Variants in ZFR2 observed in about 807,000 individuals in gnomAD.
ZFR2 encodes the protein zinc finger RNA-binding protein 2.
ZFR2 carries 104 observed loss-of-function variants against 105.7 expected under a neutral mutation model. That is an observed-to-expected ratio of 0.98 (90% CI 0.84 to 1.16). The LOEUF (loss-of-function observed/expected upper bound fraction) is 1.16, where lower values mean the gene tolerates loss of function less well. Among genes scored for constraint, ZFR2 ranks in the 50% most tolerant of loss-of-function variants. The pLI is 0.00. For synonymous variants in ZFR2, 634 were observed against 597.7 expected (o/e 1.06, Z -0.89); for missense variants, 1,425 against 1,355.5 (o/e 1.05, Z -0.80).
At chr19:3,851,484 A>G (rs2038237415) in intron 1 of ZFR2, among the ~76,000 whole-genome samples, 1 of 152,226 alleles carries the variant, frequency 6.6e-6, no homozygotes, top group Non-Finnish European at 1.5e-5. Flanking sequence ...GTGCATGCAC[A>G]CACTGCTGTT....
In ZFR2 at chr19:3,851,914, A is replaced by G. The variant is rs3346; in HGVS notation, c.54-16931T>C. The G allele has an allele frequency of 7.6e-4, 135 of 177,342 alleles. 2 individuals are homozygous for G. In the East Asian group the frequency reaches 0.017, roughly 22 times the overall value. 11.0% of individuals were successfully genotyped at this position (177,342 alleles called of 1,614,324 possible). A position where few individuals can be genotyped will look rare whatever the true frequency, so the allele number is the denominator to read the frequency against. ...CAATAGCAGGGTTCACTAATGTGAC[A>G]GACATGGTGTGGCTCACAAAGCCAA... is the stretch of plus-strand genomic sequence containing the variant. On this transcript the variant is annotated intron_variant, in intron 1 of 18. Transcript: ENST00000262961.
At chr19:3,835,122 G>A (rs916846498) in intron 1 of ZFR2, 139 bp from the exon 2 acceptor site, 32 of 928,992 alleles carry the variant, frequency 3.4e-5, no homozygotes, top group South Asian at 7.2e-5. Flanking sequence ...GCCCAGGCAC[G>A]GCCGGAAGCA....
intron 14 of ZFR2, among the ~76,000 whole-genome samples, chr19:3,812,263 A>G (rs2037773915): frequency 1.3e-5 from 2 of 151,666 alleles, no homozygotes; most frequent in African/African-American, 4.8e-5. Flanking sequence ...TGTTTTTTTT[A>G]TAAATGGGGT....
chr19:3,852,183 C>G, intron 1 of ZFR2: 1 of 460,674 alleles, frequency 2.2e-6, no homozygotes, highest in South Asian at 2.1e-5. Context: ...GGTGGCTCTC[C>G]TGGCCAAGGC....
chr19:3,835,013 A>C (rs747258176), intron 1 of ZFR2, 30 bp from the exon 2 acceptor site: 1 of 1,590,098 alleles, frequency 6.3e-7, no homozygotes, highest in Admixed American at 1.8e-5. Flanking sequence ...CCAAAGCCCC[A>C]CCAGGTTAGA....
At chr19:3,827,677 C>T (rs1200083449) in intron 5 of ZFR2, 24 bp from the exon 6 acceptor site, 1 of 1,564,570 alleles carries the variant, frequency 6.4e-7, no homozygotes. Context: ...TGAGAGGCAG[C>T]CTGGGCGGGG....
In ZFR2 at chr19:3,868,888, G is replaced by T. The variant is rs2038466522; in HGVS notation, c.53+77C>A. 6 of 1,146,564 alleles carry T rather than the reference G, an allele frequency of 5.2e-6. No individual in the cohort carries two copies. In the South Asian group the frequency reaches 2.0e-4, roughly 39 times the overall value. The allele number at this position is 1,146,564 out of a possible 1,614,324, so 71.0% of individuals were successfully genotyped here. On this transcript the variant is annotated intron_variant, in intron 1 of 18. Coordinates refer to ENST00000262961, the MANE Select transcript of ZFR2 (RefSeq NM_015174.2). Reference sequence around the variant, plus strand: ...TGGGGCCGGGCCGGGCGCACGCGGCGGGAGAAGGGGTAGGCGGGGTCCCGG... The same window carrying T: ...TGGGGCCGGGCCGGGCGCACGCGGCTGGAGAAGGGGTAGGCGGGGTCCCGG...
chr19:3,816,338 G>C (rs1424500237), intron 13 of ZFR2, among the ~76,000 whole-genome samples: 1 of 148,378 alleles, frequency 6.7e-6, no homozygotes. Flanking sequence ...CTCTGCCTCC[G>C]GGATTTAAGT....
At chr19:3,852,419 T>C in intron 1 of ZFR2, 1 of 713,604 alleles carries the variant, frequency 1.4e-6, no homozygotes, top group Non-Finnish European at 2.6e-6. Context: ...CTCTTCTCCT[T>C]ATATCTCCTC....
At chr19:3,865,001 G>A (rs931916843) in intron 1 of ZFR2, among the ~76,000 whole-genome samples, 3 of 151,874 alleles carry the variant, frequency 2.0e-5, no homozygotes, top group East Asian at 3.9e-4. Context: ...TACCCGCCTC[G>A]GCCTCCCAAA....
chr19:3,838,893 C>T lies in ZFR2; in HGVS notation c.54-3910G>A. Among the ~76,000 whole-genome samples the T allele has an allele frequency of 6.6e-6, 1 of 152,160 alleles. No homozygotes were observed. The highest frequency in any genetic ancestry group is 2.4e-5 in the African/African-American group (1 of 41,432). ...CAGCTGCCCAGCTGTCTCCCGGGGCCGCGGCACGTGGCATGCAGCAGGGGC... is the reference window on the plus strand; with the variant it reads ...CAGCTGCCCAGCTGTCTCCCGGGGCTGCGGCACGTGGCATGCAGCAGGGGC... On this transcript the variant is annotated intron_variant, in intron 1 of 18. Transcript: ENST00000262961. This position sits in a 1 kb window ranked among gnomAD's most constrained non-coding sequence, Gnocchi z 4.9.
At chr19:3,820,372 A>G (rs2145146119) in intron 10 of ZFR2, 82 bp from the exon 11 acceptor site, 1 of 1,322,010 alleles carries the variant, frequency 7.6e-7, no homozygotes, top group South Asian at 1.3e-5. Flanking sequence ...CTGGGGCCTT[A>G]TGCTCCCAGC....
chr19:3,859,992 A>G (rs2038353461), intron 1 of ZFR2, among the ~76,000 whole-genome samples: 1 of 152,120 alleles, frequency 6.6e-6, no homozygotes, highest in Admixed American at 6.6e-5. Flanking sequence ...ACGTATTGGA[A>G]AGGAGTTCTG....
chr19:3,819,321 C>G, intron 11 of ZFR2, 86 bp from the exon 12 acceptor site: 12 of 1,016,370 alleles, frequency 1.2e-5, no homozygotes, highest in African/African-American at 1.8e-5. Flanking sequence ...GGGCAGGTGG[C>G]CGTGGCCAGC....
chr19:3,833,246 CTCAAAAAAAAAAAAAAAAAAGA>C (rs1199419713), intron 3 of ZFR2, among the ~76,000 whole-genome samples: 1 of 118,786 alleles, frequency 8.4e-6, no homozygotes, highest in Non-Finnish European at 1.7e-5. Context: ...GAGACTCCGT[CTCAAAAAAAAAAAAAAAAAAGA>C]AAAGAAAAGA....
intron 1 of ZFR2, among the ~76,000 whole-genome samples, chr19:3,860,846 C>A (rs1334364733): frequency 6.6e-6 from 1 of 152,226 alleles, no homozygotes; most frequent in South Asian, 2.1e-4. Context: ...AGAAACGGAA[C>A]GACCTGCAGA....
intron 15 of ZFR2, 71 bp from the exon 16 acceptor site, chr19:3,810,916 C>A: frequency 6.7e-7 from 1 of 1,498,706 alleles, no homozygotes; most frequent in Non-Finnish European, 9.1e-7. Flanking sequence ...CGGGCTCTGT[C>A]GTGAGCGTGA....
intron 10 of ZFR2, among the ~76,000 whole-genome samples, chr19:3,820,923 C>T (rs1380233610): frequency 7.0e-4 from 33 of 46,874 alleles, no homozygotes; most frequent in African/African-American, 1.3e-3. Flanking sequence ...ACAGGGACAC[C>T]GGGGGTCGGG....
intron 1 of ZFR2, chr19:3,855,608 G>A (rs1180029116): frequency 2.6e-5 from 12 of 465,974 alleles, no homozygotes; most frequent in Non-Finnish European, 6.9e-6. Flanking sequence ...AATTCAACGC[G>A]ATCTGATGGT....
Sources: allele counts gnomAD v4.1 joint callset (sites outside exome capture counted in the v4.1 genomes callset), GRCh38; gene constraint gnomAD v4.1.1; non-coding constraint Gnocchi (gnomAD v3.1); transcripts MANE v1.5; gene names NCBI Gene and HGNC (gene_info 2026-07-23, HGNC 2026-07-21).